The following DPAGT1 variants were observed in gnomAD, a reference collection of about 807,000 sequenced individuals.
DPAGT1 encodes the protein UDP-N-acetylglucosamine--dolichyl-phosphate N-acetylglucosaminephosphotransferase.
Under a neutral mutation model 39.3 loss-of-function variants are expected in DPAGT1, and 25 were observed. That is an observed-to-expected ratio of 0.64 (90% confidence interval 0.46 to 0.89). The LOEUF (loss-of-function observed/expected upper bound fraction) is 0.89. Ranked by LOEUF, DPAGT1 falls within the 40% of genes least tolerant of loss-of-function variation. The pLI is 0.00. For missense variants in DPAGT1, 381 were observed against 500.6 expected (o/e 0.76, Z 2.28); for synonymous variants, 193 against 201.4 (o/e 0.96, Z 0.36).
At chr11:119,098,243 A>G in intron 5 of DPAGT1, 160 bp downstream of exon 5, 6 of 1,093,982 alleles carry the variant, frequency 5.5e-6, no homozygotes, top group Non-Finnish European at 8.4e-6. Context: ...CCTAACTACT[A>G]CTGGGTAGAG....
In DPAGT1 at chr11:119,097,648, A is replaced by G; in HGVS notation, c.918-97T>C. ...GCATTGAATGTGGAGTCAACCTGAGATCTATTTCTGGCTCTGCTGCTTACT... is the reference window on the plus strand; with the variant it reads ...GCATTGAATGTGGAGTCAACCTGAGGTCTATTTCTGGCTCTGCTGCTTACT... On this transcript the variant is annotated intron_variant, in intron 6 of 8. Transcript: ENST00000354202. This position sits in a 1 kb window ranked among gnomAD's most constrained non-coding sequence, Gnocchi z 4.6. 1 of 1,490,966 alleles carries G rather than the reference A, an allele frequency of 6.7e-7. No homozygotes were observed. The highest frequency in any genetic ancestry group is 1.1e-5 in the South Asian group (1 of 88,526). The allele number at this position is 1,490,966 out of a possible 1,614,324, so 92.4% of individuals were successfully genotyped here. A position where few individuals can be genotyped will look rare whatever the true frequency, so the allele number is the denominator to read the frequency against.
At position 119,096,619 on chromosome 11, in the gene DPAGT1, CCT is replaced by C. The variant is rs1307345388; in HGVS notation, c.*377_*378del. 2.7e-6 allele frequency: 1 copy of C among 369,516 alleles called. No homozygotes were observed. Among genetic ancestry groups the C allele is most frequent in the Non-Finnish European group, 5.0e-6 (1 of 198,184 alleles). The allele number at this position is 369,516 out of a possible 1,614,324, so 22.9% of individuals were successfully genotyped here. ...AATCAAATGACATGTCACCGTGGAG[CCT>C]GTGTTCCTAGCCCTGGCCCAAGTTC... is the stretch of plus-strand genomic sequence containing the variant. On this transcript the variant is annotated 3_prime_UTR_variant, in exon 9 of 9. Transcript: ENST00000354202.
rs1555207826 is a variant in DPAGT1, at chr11:119,100,766, C to G, written c.360G>C (p.Leu120=). The part of the protein sequence containing the change: ...FLGFADDVLN[L]RWRHKLLLPT... ...GTAGCAGCAGCTTATGGCGCCAGCGCAGATTCAGTACATCATCCGCAAAGC... is the reference window on the plus strand; with the variant it reads ...GTAGCAGCAGCTTATGGCGCCAGCGGAGATTCAGTACATCATCCGCAAAGC... The change falls in exon 3 of 9, where the codon CTG becomes CTC. Residue 120 remains leucine (L), a synonymous_variant. Coordinates refer to ENST00000354202, the MANE Select transcript of DPAGT1 (RefSeq NM_001382.4). The G allele has an allele frequency of 3.1e-6, 5 of 1,614,160 alleles. No individual in the cohort carries two copies. Among genetic ancestry groups the G allele is most frequent in the Non-Finnish European group, 4.2e-6 (5 of 1,180,030 alleles).
In DPAGT1 at chr11:119,097,976, C is replaced by T. The variant is rs757543878; in HGVS notation, c.796G>A (p.Gly266Ser). 6.2e-7 allele frequency: 1 copy of T among 1,614,168 alleles called. No homozygotes were observed. Among genetic ancestry groups the T allele is most frequent in the South Asian group, 1.1e-5 (1 of 91,076 alleles). ...YFAGMTFAVV[G>S]ILGHFSKTML... ...GTCTTGCTGAAGTGTCCCAAGATGC[C>T]CACCACGGCAAAGGTCATGCCAGCA... The change falls in exon 6 of 9, where the codon GGC becomes AGC. Residue 266 changes from glycine to serine, a missense_variant. Gly to Ser is a moderately conservative substitution (Grantham distance 56). Coordinates refer to ENST00000354202, the MANE Select transcript of DPAGT1 (RefSeq NM_001382.4). This position sits in a 1 kb window ranked among gnomAD's most constrained non-coding sequence, Gnocchi z 4.6.
chr11:119,096,917 G>A lies in DPAGT1; in HGVS notation c.*81C>T, dbSNP rs1946403682. On this transcript the variant is annotated 3_prime_UTR_variant, in exon 9 of 9. Transcript: ENST00000354202. ...AGAGTGAGAGAGGCCTGGGCAAGGA[G>A]GCAGTCTGGGACCAGAGAGAGAGGT... is the stretch of plus-strand genomic sequence containing the variant. 1 of 1,510,442 alleles carries A rather than the reference G, an allele frequency of 6.6e-7. No individual in the cohort carries two copies. Among genetic ancestry groups the A allele is most frequent in the Middle Eastern group, 1.7e-4 (1 of 5,768 alleles). 93.6% of individuals were successfully genotyped at this position (1,510,442 alleles called of 1,614,324 possible). A position where few individuals can be genotyped will look rare whatever the true frequency, so the allele number is the denominator to read the frequency against.
downstream of DPAGT1, chr11:119,094,980 C>T: frequency 2.5e-6 from 4 of 1,611,934 alleles, no homozygotes; most frequent in South Asian, 2.2e-5. Flanking sequence ...TCCTGGGAGG[C>T]CTGGGTGGCC....
Position 119,101,826 on chromosome 11 carries a change from G to C in DPAGT1, c.-171C>G. On this transcript the variant is annotated 5_prime_UTR_variant, in exon 1 of 9. Transcript: ENST00000354202. Reference sequence around the variant, plus strand: ...ACTTGAGCCGCCGTCGGGACACCGGGGAACCTCTCTAAGGCAACCTATGTT... The same window carrying C: ...ACTTGAGCCGCCGTCGGGACACCGGCGAACCTCTCTAAGGCAACCTATGTT... 1 of 1,496,364 alleles carries C rather than the reference G, an allele frequency of 6.7e-7. No individual in the cohort carries two copies. The highest frequency in any genetic ancestry group is 8.9e-7 in the Non-Finnish European group (1 of 1,124,800). The allele number at this position is 1,496,364 out of a possible 1,614,324, so 92.7% of individuals were successfully genotyped here. A position where few individuals can be genotyped will look rare whatever the true frequency, so the allele number is the denominator to read the frequency against.
chr11:119,095,007 G>C (rs1241701019), downstream of DPAGT1: 1 of 1,612,800 alleles, frequency 6.2e-7, no homozygotes, highest in East Asian at 2.2e-5. Context: ...CCGCCCGAGG[G>C]CGCCTTCGGC....
chr11:119,096,023 T>TCACTCC (rs1363232690), downstream of DPAGT1, among the ~76,000 whole-genome samples: 3 of 152,158 alleles, frequency 2.0e-5, no homozygotes, highest in Non-Finnish European at 2.9e-5. Context: ...TGGAGTGCAG[T>TCACTCC]AGTGTGATCT....
At chr11:119,094,199 G>C (rs1019669787), downstream of DPAGT1, 1 of 152,740 alleles carries the variant, frequency 6.5e-6, no homozygotes, top group Non-Finnish European at 1.5e-5. Flanking sequence ...CCTCCTAGGA[G>C]GCAGTCACTC....
intron 5 of DPAGT1, 163 bp from the exon 6 acceptor site, chr11:119,098,206 T>G: frequency 8.8e-7 from 1 of 1,136,892 alleles, no homozygotes; most frequent in Non-Finnish European, 1.3e-6. Context: ...TGAATTCATC[T>G]ATTCCTGGGG....
downstream of DPAGT1, chr11:119,094,929 G>A: frequency 6.4e-7 from 1 of 1,572,222 alleles, no homozygotes. Context: ...GGTGGCATGG[G>A]GAGGCCTGGC....
At chr11:119,094,643 C>T (rs58232506), downstream of DPAGT1, 1,497 of 220,536 alleles carry the variant, frequency 6.8e-3, 24 homozygotes, top group African/African-American at 0.032. Flanking sequence ...CCGGCAGGCT[C>T]GGGTCTTCCG....
In DPAGT1 at chr11:119,097,859, G is replaced by A; in HGVS notation, c.913C>T (p.Pro305Ser). The A allele has an allele frequency of 1.2e-6, 2 of 1,614,076 alleles. No homozygotes were observed. The highest frequency in any genetic ancestry group is 1.7e-6 in the Non-Finnish European group (2 of 1,179,946). The change falls in exon 6 of 9, where the codon CCC becomes TCC. Residue 305 changes from proline to serine, a missense_variant. Coordinates refer to ENST00000354202, the MANE Select transcript of DPAGT1 (RefSeq NM_001382.4). This position sits in a 1 kb window ranked among gnomAD's most constrained non-coding sequence, Gnocchi z 4.6. ...TTCAAGCCAAAAAGCGGCTACCTGG[G>A]TATGCGGTGGCGAGGGCAGGGGATG... ...HIIPCPRHRI[P>S]RLNIKTGKLE...
chr11:119,097,986 A>G lies in DPAGT1; in HGVS notation c.786T>C (p.Phe262=). 1 of 1,614,248 alleles carries G rather than the reference A, an allele frequency of 6.2e-7. No individual in the cohort carries two copies. Among genetic ancestry groups the G allele is most frequent in the Non-Finnish European group, 8.5e-7 (1 of 1,180,040 alleles). Residue 262 remains phenylalanine, a synonymous_variant, in exon 6 of 9, where the codon TTT becomes TTC. Transcript: ENST00000354202. The surrounding 1 kb of genome is among the most constrained non-coding windows in gnomAD (Gnocchi z 4.6). ...DTFCYFAGMT[F]AVVGILGHFS... ...AGTGTCCCAAGATGCCCACCACGGCAAAGGTCATGCCAGCAAAGTAACAGA... is the reference window on the plus strand; with the variant it reads ...AGTGTCCCAAGATGCCCACCACGGCGAAGGTCATGCCAGCAAAGTAACAGA...
intron 4 of DPAGT1, among the ~76,000 whole-genome samples, chr11:119,099,917 C>T (rs1946466728): frequency 1.3e-5 from 2 of 152,064 alleles, no homozygotes; most frequent in African/African-American, 2.4e-5. Context: ...GTGGTTTTGC[C>T]TGTGCTCAAA....
rs10892330 is a variant in DPAGT1, at chr11:119,100,165, T to C, written c.643+97A>G. 0.93 allele frequency: 1,447,995 copies of C among 1,552,192 alleles called. 677,870 individuals carry two copies. Among genetic ancestry groups the C allele is most frequent in the Non-Finnish European group, 0.95 (1,074,015 of 1,126,462 alleles). ...CTTCCCTTATCTTCTATAATTACTA[T>C]GCATATTGCTTTTTTCCCCTGAATT... On this transcript the variant is annotated intron_variant, in intron 4 of 8. Coordinates refer to ENST00000354202, the MANE Select transcript of DPAGT1 (RefSeq NM_001382.4).
At chr11:119,095,753 C>T (rs1946382332), downstream of DPAGT1, among the ~76,000 whole-genome samples, 2 of 152,070 alleles carry the variant, frequency 1.3e-5, no homozygotes, top group Non-Finnish European at 2.9e-5. Flanking sequence ...AAACCAGAAG[C>T]GGAAGACCAA....
At position 119,097,181 on chromosome 11, in the gene DPAGT1, T is replaced by C; in HGVS notation, c.1122A>G (p.Ile374Met). Residue 374 changes from isoleucine (I) to methionine (M), a missense_variant, in exon 8 of 9, where the codon ATA (isoleucine) becomes ATG (methionine). Coordinates refer to ENST00000354202, the MANE Select transcript of DPAGT1 (RefSeq NM_001382.4). The surrounding 1 kb of genome is among the most constrained non-coding windows in gnomAD (Gnocchi z 4.6). ...GGAGCAATGTGAGGTTTCTCTCATG[T>C]ATGGGCCCAAGGACTTTAAGTAGCA... ...INLLLKVLGP[I>M]HERNLTLLLL... 6.2e-7 allele frequency: 1 copy of C among 1,614,186 alleles called. No individual in the cohort carries two copies. Among genetic ancestry groups the C allele is most frequent in the Non-Finnish European group, 8.5e-7 (1 of 1,180,026 alleles).
Sources: allele counts gnomAD v4.1 joint callset (sites outside exome capture counted in the v4.1 genomes callset), GRCh38; gene constraint gnomAD v4.1.1; non-coding constraint Gnocchi (gnomAD v3.1); transcripts MANE v1.5; gene names NCBI Gene and HGNC (gene_info 2026-07-23, HGNC 2026-07-21).